Variants in PPIL3 observed in about 807,000 individuals in gnomAD.
PPIL3 encodes the protein peptidylprolyl isomerase like 3.
PPIL3 carries 13 observed loss-of-function variants against 20.9 expected under a neutral mutation model. That is an observed-to-expected ratio of 0.62 (90% CI 0.40 to 0.99). The LOEUF (loss-of-function observed/expected upper bound fraction) is 0.99. PPIL3 is among the 50% of genes least tolerant of loss of function. The pLI, the probability that PPIL3 is intolerant of heterozygous loss-of-function variation, is 0.00. For synonymous variants in PPIL3, 71 were observed against 64.4 expected, an observed-to-expected ratio of 1.10 and a Z score of -0.49; for missense variants, 170 against 195.2, an observed-to-expected ratio of 0.87 and a Z score of 0.77.
intron 5 of PPIL3, among the ~76,000 whole-genome samples, chr2:200,880,115 C>G (rs2039667608): frequency 6.6e-6 from 1 of 152,072 alleles, no homozygotes; most frequent in African/African-American, 2.4e-5. Context: ...GGCATGGTGA[C>G]ATGCACCTGT....
intron 2 of PPIL3, among the ~76,000 whole-genome samples, chr2:200,887,300 C>T (rs567907914): frequency 6.7e-6 from 1 of 149,352 alleles, no homozygotes; most frequent in South Asian, 2.1e-4. Context: ...GCAGGAGAAT[C>T]GCTTGAACCC....
At chr2:200,872,025 CACTA>C (rs1319636275) in intron 6 of PPIL3, among the ~76,000 whole-genome samples, 5 of 152,104 alleles carry the variant, frequency 3.3e-5, no homozygotes, top group Non-Finnish European at 7.4e-5. Flanking sequence ...TTAATTGTGA[CACTA>C]ACTACAAGGA....
Position 200,875,666 on chromosome 2 carries a change from G to A in PPIL3, c.359+1253C>T, listed in dbSNP as rs552512054. Among the ~76,000 whole-genome samples the A allele has an allele frequency of 3.3e-5, 5 of 151,994 alleles. No individual in the cohort carries two copies. The South Asian group carries it at 1.0e-3, about 32-fold the overall frequency. On this transcript the variant is annotated intron_variant, in intron 6 of 6. Transcript: ENST00000392283. ...TCAGCTCATGCAGCCTGGAACTCCT[G>A]GGCTCAAGTGATTCTCCCACCTCAG...
chr2:200,879,898 G>A (rs1338564316), intron 5 of PPIL3, among the ~76,000 whole-genome samples: 1 of 152,152 alleles, frequency 6.6e-6, no homozygotes, highest in African/African-American at 2.4e-5. Context: ...CTGGTATATG[G>A]AAGCAGTCAT....
rs563374355 is a variant in PPIL3, at chr2:200,880,559, T to A, written c.240+862A>T. Among the ~76,000 whole-genome samples, 7 of 152,094 alleles carry A rather than the reference T, an allele frequency of 4.6e-5. No individual in the cohort carries two copies. The South Asian group carries it at 1.5e-3, about 32-fold the overall frequency. ...CCACTATAACAGGCTAATATTTGTA[T>A]TTTTTTGTGGAGATGGGGGTCTCAC... On this transcript the variant is annotated intron_variant, in intron 5 of 6. Transcript: ENST00000392283.
intron 5 of PPIL3, 140 bp downstream of exon 5, chr2:200,881,281 A>C (rs2039710786): frequency 3.1e-6 from 2 of 648,578 alleles, no homozygotes; most frequent in Non-Finnish European, 5.1e-6. Context: ...CCCCGACATC[A>C]TTTGTCAAAT....
intron 3 of PPIL3, among the ~76,000 whole-genome samples, chr2:200,883,026 C>T (rs1469929161): frequency 6.6e-6 from 1 of 151,688 alleles, no homozygotes; most frequent in Non-Finnish European, 1.5e-5. Flanking sequence ...ACCTAAACTC[C>T]ATCAGCATTC....
chr2:200,883,214 G>A (rs1271584347), intron 3 of PPIL3, among the ~76,000 whole-genome samples: 19 of 139,578 alleles, frequency 1.4e-4, no homozygotes, highest in African/African-American at 3.2e-4. Flanking sequence ...TCAGCCACCC[G>A]AAGTGCTGGA....
At chr2:200,884,582 TA>T (rs1319974525) in intron 3 of PPIL3, among the ~76,000 whole-genome samples, 1 of 150,502 alleles carries the variant, frequency 6.6e-6, no homozygotes, top group Non-Finnish European at 1.5e-5. Flanking sequence ...CATAAAAATT[TA>T]AAAAAAATTA....
At chr2:200,874,994 GAACA>G (rs2039458974) in intron 6 of PPIL3, among the ~76,000 whole-genome samples, 1 of 152,132 alleles carries the variant, frequency 6.6e-6, no homozygotes, top group Admixed American at 6.6e-5. Flanking sequence ...CTATTAAATA[GAACA>G]AACTCTAGAA....
chr2:200,872,086 C>T (rs983892029), intron 6 of PPIL3, among the ~76,000 whole-genome samples: 7 of 152,292 alleles, frequency 4.6e-5, no homozygotes, highest in East Asian at 3.9e-4. Context: ...CCTACCACTT[C>T]GGATGCCAGT....
rs189370078 is a variant in PPIL3 at position 200,874,113 on chromosome 2, G to A, written c.360-2592C>T. Among the ~76,000 whole-genome samples the A allele has an allele frequency of 7.4e-3, 1,113 of 151,084 alleles. 17 individuals carry two copies. The highest frequency in any genetic ancestry group is 0.026 in the African/African-American group (1,077 of 41,092). On this transcript the variant is annotated intron_variant, in intron 6 of 6. Coordinates refer to ENST00000392283, the MANE Select transcript of PPIL3 (RefSeq NM_130906.3). ...CCAGCTACTTGGGAGGCTGAGGCAG[G>A]AGAATGGCGTGAACCCAGGAGGGTG...
At chr2:200,876,872 C>T (rs764249082) in intron 6 of PPIL3, 47 bp downstream of exon 6, 1 of 1,340,664 alleles carries the variant, frequency 7.5e-7, no homozygotes, top group South Asian at 1.2e-5. Context: ...AGCATATGCA[C>T]CACTTGCATT....
At chr2:200,879,740 G>A (rs2039652901) in intron 5 of PPIL3, among the ~76,000 whole-genome samples, 1 of 152,144 alleles carries the variant, frequency 6.6e-6, no homozygotes, top group Non-Finnish European at 1.5e-5. Flanking sequence ...GGCTGAGGCA[G>A]GAGAAACTGC....
At position 200,873,416 on chromosome 2, in the gene PPIL3, T is replaced by C. The variant is rs865885219; in HGVS notation, c.360-1895A>G. The stretch of plus-strand genomic sequence containing the variant: ...CATTGGCCAGGCTGGTCTCAAACTC[T>C]TGACCTCAAGTGATCTGCCCACGTC... On this transcript the variant is annotated intron_variant, in intron 6 of 6. Transcript: ENST00000392283. Among the ~76,000 whole-genome samples the C allele has an allele frequency of 3.2e-4, 49 of 151,842 alleles. 1 individual carries two copies. The highest frequency in any genetic ancestry group is 6.8e-3 in the Middle Eastern group (2 of 292).
At chr2:200,885,565 T>C (rs2039903883) in intron 3 of PPIL3, 133 bp downstream of exon 3, 1 of 644,116 alleles carries the variant, frequency 1.6e-6, no homozygotes, top group Non-Finnish European at 2.7e-6. Flanking sequence ...GGCCAGAAGT[T>C]AGGATGGCTA....
chr2:200,882,921 CAAA>C (rs1306448235), intron 3 of PPIL3, among the ~76,000 whole-genome samples: 1 of 149,002 alleles, frequency 6.7e-6, no homozygotes, highest in Non-Finnish European at 1.5e-5. Flanking sequence ...CAACCAAAAA[CAAA>C]AAGAAAATCT....
chr2:200,882,044 AG>A (rs748746639), intron 4 of PPIL3, among the ~76,000 whole-genome samples: 1 of 152,142 alleles, frequency 6.6e-6, no homozygotes, highest in Non-Finnish European at 1.5e-5. Flanking sequence ...GGACACAAGG[AG>A]GGGAACAACA....
chr2:200,886,093 A>G (rs2039928715), intron 2 of PPIL3, among the ~76,000 whole-genome samples: 1 of 152,226 alleles, frequency 6.6e-6, no homozygotes, highest in Non-Finnish European at 1.5e-5. Context: ...AATAAAAACA[A>G]TTGTTATGTA....
Sources: allele counts gnomAD v4.1 joint callset (sites outside exome capture counted in the v4.1 genomes callset), GRCh38; gene constraint gnomAD v4.1.1; transcripts MANE v1.5; gene names NCBI Gene and HGNC (gene_info 2026-07-23, HGNC 2026-07-21).